Variants in PSD3 observed in about 807,000 individuals in gnomAD.
PSD3 encodes pleckstrin and Sec7 domain containing 3.
A neutral mutation model predicts 105.5 loss-of-function variants in PSD3; 49 were observed. That is an observed-to-expected ratio of 0.46 (90% CI 0.37 to 0.59). PSD3 has a LOEUF of 0.59. Ranked by LOEUF, PSD3 falls within the 20% of genes least tolerant of loss-of-function variation. The pLI is 0.00. For missense variants in PSD3, 1,561 were observed against 1,263.8 expected, an observed-to-expected ratio of 1.24 and a Z score of -3.57; for synonymous variants, 557 against 457.8, an observed-to-expected ratio of 1.22 and a Z score of -2.77.
intron 11 of PSD3, among the ~76,000 whole-genome samples, chr8:18,607,281 C>T (rs1398607170): frequency 1.3e-5 from 2 of 152,168 alleles, no homozygotes; most frequent in Non-Finnish European, 2.9e-5. Flanking sequence ...CACATTTCTG[C>T]AGAATAGTTA....
chr8:18,851,826 G>C (rs1033261665), intron 4 of PSD3, among the ~76,000 whole-genome samples: 33 of 152,234 alleles, frequency 2.2e-4, no homozygotes, highest in Non-Finnish European at 4.0e-4. Context: ...GGATAGACTA[G>C]AAACTGACAG....
At chr8:19,050,808 C>T (rs546796866) in intron 1 of PSD3, among the ~76,000 whole-genome samples, 1 of 151,962 alleles carries the variant, frequency 6.6e-6, no homozygotes, top group Admixed American at 6.6e-5. Flanking sequence ...GCACATTGTG[C>T]ATATGTACCC....
At chr8:18,905,754 C>T (rs1044661287) in intron 2 of PSD3, among the ~76,000 whole-genome samples, 1 of 152,088 alleles carries the variant, frequency 6.6e-6, no homozygotes, top group African/African-American at 2.4e-5. Flanking sequence ...TCATAGTATT[C>T]TGAAGTCAAA....
intron 1 of PSD3, among the ~76,000 whole-genome samples, chr8:18,989,033 C>T (rs770060109): frequency 6.6e-6 from 1 of 152,116 alleles, no homozygotes; most frequent in Non-Finnish European, 1.5e-5. Flanking sequence ...AATTGGGTTC[C>T]GTAGGTATTC....
intron 1 of PSD3, among the ~76,000 whole-genome samples, chr8:18,950,842 C>T (rs1423727597): frequency 3.3e-5 from 5 of 152,238 alleles, no homozygotes; most frequent in South Asian, 4.2e-4. Flanking sequence ...CACCCACACA[C>T]GCAAGTGATC....
chr8:18,920,064 T>G (rs980055018), intron 2 of PSD3, among the ~76,000 whole-genome samples: 5 of 150,578 alleles, frequency 3.3e-5, no homozygotes, highest in African/African-American at 1.2e-4. Flanking sequence ...TCATGGAGTT[T>G]CTAGAATTTC....
chr8:18,681,157 C>A (rs1378430541), intron 9 of PSD3, among the ~76,000 whole-genome samples: 2 of 152,016 alleles, frequency 1.3e-5, no homozygotes, highest in African/African-American at 4.8e-5. Flanking sequence ...CAGGAGCGAA[C>A]CACGAGTTAA....
At chr8:18,739,845 A>G (rs997980032) in intron 9 of PSD3, among the ~76,000 whole-genome samples, 1 of 152,236 alleles carries the variant, frequency 6.6e-6, no homozygotes, top group South Asian at 2.1e-4. Context: ...AAGATCAACT[A>G]TAGTATCTGT....
chr8:18,763,705 C>T lies in PSD3; in HGVS notation c.2172+1744G>A, dbSNP rs569501009. ...ACACAGAATAGAGGAATGAAACCAA[C>T]GTGGTTTAAAGAAAACCTTTTCTTA... On this transcript the variant is annotated intron_variant, in intron 9 of 15. Coordinates refer to ENST00000327040, the MANE Select transcript of PSD3 (RefSeq NM_015310.4). 4.6e-5 allele frequency among the ~76,000 whole-genome samples: 7 copies of T among 152,236 alleles called. No homozygotes were observed. In the South Asian group the frequency reaches 1.0e-3, roughly 23 times the overall value.
At chr8:18,557,233 A>AG (rs1360883519) in intron 14 of PSD3, among the ~76,000 whole-genome samples, 1 of 152,246 alleles carries the variant, frequency 6.6e-6, no homozygotes, top group African/African-American at 2.4e-5. Context: ...CACAGGTACA[A>AG]TAAGATAAAT....
chr8:18,693,653 C>G (rs1801100205), intron 9 of PSD3, among the ~76,000 whole-genome samples: 1 of 152,184 alleles, frequency 6.6e-6, no homozygotes, highest in African/African-American at 2.4e-5. Context: ...ACAGAGCCCC[C>G]CTGTTGCAGT....
intron 4 of PSD3, among the ~76,000 whole-genome samples, chr8:18,826,399 G>A (rs1357292255): frequency 6.6e-6 from 1 of 152,134 alleles, no homozygotes. Context: ...TACATGAACT[G>A]GACCCAAAGA....
intron 12 of PSD3, 104 bp from the exon 13 acceptor site, chr8:18,575,389 A>T: frequency 9.1e-7 from 1 of 1,097,240 alleles, no homozygotes; most frequent in East Asian, 2.8e-5. Flanking sequence ...AAATCCAAGT[A>T]AGTGAATGAA....
intron 9 of PSD3, among the ~76,000 whole-genome samples, chr8:18,661,719 C>T (rs1809362373): frequency 6.6e-6 from 1 of 152,000 alleles, no homozygotes; most frequent in Admixed American, 6.6e-5. Context: ...TGGCAAAGGG[C>T]AATTGTTAAG....
chr8:18,624,547 G>C, intron 11 of PSD3, among the ~76,000 whole-genome samples: 1 of 86,208 alleles, frequency 1.2e-5, no homozygotes, highest in African/African-American at 4.7e-5. Flanking sequence ...GGGGTGGGGG[G>C]AGGGGGGAGG....
chr8:18,758,553 C>T (rs889316175), intron 9 of PSD3, among the ~76,000 whole-genome samples: 5 of 151,782 alleles, frequency 3.3e-5, no homozygotes, highest in African/African-American at 1.2e-4. Context: ...GTTCTTTACC[C>T]TTATATACAG....
chr8:18,874,235 C>A (rs1817585231), intron 2 of PSD3, among the ~76,000 whole-genome samples: 1 of 151,888 alleles, frequency 6.6e-6, no homozygotes, highest in Admixed American at 6.6e-5. Context: ...GATCTCGGTT[C>A]ACTGCAACCT....
intron 12 of PSD3, among the ~76,000 whole-genome samples, chr8:18,583,888 CG>C (rs1334142559): frequency 2.0e-5 from 3 of 152,146 alleles, no homozygotes; most frequent in Non-Finnish European, 2.9e-5. Context: ...TTCTAGAAGA[CG>C]GGCAAAGTCC....
chr8:18,837,218 G>A (rs563583617), intron 4 of PSD3, among the ~76,000 whole-genome samples: 1 of 152,194 alleles, frequency 6.6e-6, no homozygotes, highest in South Asian at 2.1e-4. Flanking sequence ...AAGATAGACA[G>A]CGAATGTGAG....
Sources: gnomAD v4.1 joint callset for allele counts (sites outside exome capture counted in the v4.1 genomes callset) on GRCh38, gnomAD v4.1.1 for gene constraint, MANE v1.5 for transcripts, NCBI Gene and HGNC (gene_info 2026-07-23, HGNC 2026-07-21) for gene names.